The following RBMS3 variants were observed in gnomAD, a reference collection of about 807,000 sequenced individuals.
RBMS3 encodes the protein RNA binding motif single stranded interacting protein 3.
RBMS3 carries 27 observed loss-of-function variants against 66.8 expected under a neutral mutation model. The ratio of observed to expected loss-of-function variants is 0.40; its 90% CI spans 0.30 to 0.56. RBMS3 has a LOEUF of 0.56. Among genes scored for constraint, RBMS3 ranks in the 20% least tolerant of loss-of-function variants. The pLI, the probability that RBMS3 is intolerant of heterozygous loss-of-function variation, is 0.40. For synonymous variants in RBMS3, 188 were observed against 183.0 expected (o/e 1.03, Z -0.22); for missense variants, 513 against 549.5 (o/e 0.93, Z 0.66).
chr3:29,667,161 G>A (rs189280234), intron 4 of RBMS3, among the ~76,000 whole-genome samples: 1 of 152,264 alleles, frequency 6.6e-6, no homozygotes, highest in Admixed American at 6.5e-5. Context: ...GAAAATATTG[G>A]TGATAATTGG....
intron 6 of RBMS3, chr3:29,765,624 A>T (rs2149387017): frequency 6.6e-6 from 1 of 152,108 alleles, no homozygotes; most frequent in African/African-American, 2.4e-5. Context: ...CTTTAAGGTC[A>T]TGTAGATGAG....
intron 4 of RBMS3, among the ~76,000 whole-genome samples, chr3:29,722,209 AT>A (rs796728795): frequency 2.0e-5 from 3 of 151,958 alleles, no homozygotes; most frequent in Non-Finnish European, 4.4e-5. Context: ...TTTTCATGTT[AT>A]TTTTTTGTAA....
At chr3:29,618,004 AG>A (rs1362640654) in intron 4 of RBMS3, among the ~76,000 whole-genome samples, 2 of 152,166 alleles carry the variant, frequency 1.3e-5, no homozygotes, top group Non-Finnish European at 2.9e-5. Flanking sequence ...TAAAAGAAGT[AG>A]GGAGGCTACA....
Position 29,707,273 on chromosome 3 carries a change from G to A in RBMS3, c.400-32447G>A, listed in dbSNP as rs543567638. Among the ~76,000 whole-genome samples the A allele has an allele frequency of 8.5e-5, 13 of 152,230 alleles. No homozygotes were observed. The South Asian group carries it at 1.5e-3, about 17-fold the overall frequency. On this transcript the variant is annotated intron_variant, in intron 4 of 14. Transcript: ENST00000383767. ...TTTCTCTTTTACAGATGATTATTGC[G>A]AGAAGTGAATTAAGATGTTTGAAAT...
intron 6 of RBMS3, among the ~76,000 whole-genome samples, chr3:29,831,057 C>G (rs974878883): frequency 5.3e-5 from 8 of 152,090 alleles, no homozygotes; most frequent in African/African-American, 1.9e-4. Flanking sequence ...CTTCAGGGAT[C>G]TGAGAAATAA....
intron 6 of RBMS3, among the ~76,000 whole-genome samples, chr3:29,828,711 CAG>C (rs1186068609): frequency 6.6e-6 from 1 of 152,088 alleles, no homozygotes; most frequent in Non-Finnish European, 1.5e-5. Flanking sequence ...AGAAAGGTAA[CAG>C]ATGTTGGATT....
At chr3:29,953,920 C>T (rs1286900669) in intron 12 of RBMS3, among the ~76,000 whole-genome samples, 4 of 151,732 alleles carry the variant, frequency 2.6e-5, no homozygotes, top group African/African-American at 9.7e-5. Context: ...TTCATTTTTC[C>T]CTTCTTCCTA....
intron 5 of RBMS3, among the ~76,000 whole-genome samples, chr3:29,741,408 T>C (rs935982579): frequency 6.6e-6 from 1 of 152,180 alleles, no homozygotes; most frequent in Non-Finnish European, 1.5e-5. Context: ...CATTCTTATA[T>C]AGTGTGCAAC....
intron 4 of RBMS3, among the ~76,000 whole-genome samples, chr3:29,606,508 C>T (rs1255249257): frequency 1.3e-5 from 2 of 151,904 alleles, no homozygotes; most frequent in South Asian, 2.1e-4. Context: ...TTGCTCATGT[C>T]ATTAGAATCT....
chr3:29,481,130 C>T (rs1269689079), intron 2 of RBMS3, among the ~76,000 whole-genome samples: 1 of 152,160 alleles, frequency 6.6e-6, no homozygotes, highest in African/African-American at 2.4e-5. Context: ...GTGCCTCCCT[C>T]ATGGGTTTGT....
chr3:29,990,976 G>A lies in RBMS3; in HGVS notation c.1180-106G>A, dbSNP rs911036459. The A allele has an allele frequency of 1.2e-5, 12 of 1,015,352 alleles. No homozygotes were observed. The East Asian group carries it at 2.7e-4, about 23-fold the overall frequency. 62.9% of individuals were successfully genotyped at this position (1,015,352 alleles called of 1,614,324 possible). ...ACTTATTGTGACTTCATGTAGCTGA[G>A]GGTATCTCTACTTAAGCCAAATAGA... On this transcript the variant is annotated intron_variant, in intron 13 of 14. Coordinates refer to ENST00000383767, the MANE Select transcript of RBMS3 (RefSeq NM_001003793.3).
intron 3 of RBMS3, among the ~76,000 whole-genome samples, chr3:29,565,002 C>T (rs1035197852): frequency 6.6e-6 from 1 of 152,040 alleles, no homozygotes; most frequent in Non-Finnish European, 1.5e-5. Flanking sequence ...ATTTTTTCAT[C>T]CTTTCCTTTC....
intron 2 of RBMS3, among the ~76,000 whole-genome samples, chr3:29,479,195 T>G (rs1057280781): frequency 1.3e-5 from 2 of 151,974 alleles, no homozygotes; most frequent in African/African-American, 4.8e-5. Context: ...GAAAATAATA[T>G]CAACTAATTA....
chr3:29,353,941 A>G (rs954498620), intron 1 of RBMS3, among the ~76,000 whole-genome samples: 11 of 152,128 alleles, frequency 7.2e-5, no homozygotes, highest in African/African-American at 2.4e-4. Flanking sequence ...ACTCTACAGC[A>G]TTTGAAATCA....
At chr3:29,940,524 G>A (rs1464387460) in intron 11 of RBMS3, among the ~76,000 whole-genome samples, 1 of 151,766 alleles carries the variant, frequency 6.6e-6, no homozygotes, top group East Asian at 1.9e-4. Context: ...TTTTTAGAAG[G>A]GGGATCTTGA....
chr3:29,401,200 TAAAAAG>T (rs1014422962), intron 1 of RBMS3, among the ~76,000 whole-genome samples: 2 of 152,038 alleles, frequency 1.3e-5, no homozygotes, highest in African/African-American at 4.8e-5. Flanking sequence ...GCATACCTAT[TAAAAAG>T]AAAGAGTTTC....
chr3:29,706,605 T>C (rs1249222185), intron 4 of RBMS3, among the ~76,000 whole-genome samples: 6 of 152,136 alleles, frequency 3.9e-5, no homozygotes, highest in Non-Finnish European at 7.4e-5. Flanking sequence ...TACACCACTC[T>C]CTCACAAGAA....
At chr3:29,997,606 G>C (rs1368000562) in intron 14 of RBMS3, among the ~76,000 whole-genome samples, 2 of 151,206 alleles carry the variant, frequency 1.3e-5, no homozygotes, top group Admixed American at 6.6e-5. Flanking sequence ...AGGCAAGGCT[G>C]GTTCAATATA....
rs138546016 is a variant in RBMS3, at chr3:29,620,596, A to G, written c.399+33391A>G. 4.2e-3 allele frequency among the ~76,000 whole-genome samples: 640 copies of G among 152,178 alleles called. 9 individuals are homozygous for G. Among genetic ancestry groups the G allele is most frequent in the African/African-American group, 0.015 (616 of 41,550 alleles). ...TTAGAATAATATTTATATTATCTTT[A>G]TGTACTTGATTTTCATATTGGCATT... On this transcript the variant is annotated intron_variant, in intron 4 of 14. Coordinates refer to ENST00000383767, the MANE Select transcript of RBMS3 (RefSeq NM_001003793.3).
Sources: gnomAD v4.1 joint callset for allele counts (sites outside exome capture counted in the v4.1 genomes callset) on GRCh38, gnomAD v4.1.1 for gene constraint, MANE v1.5 for transcripts, NCBI Gene and HGNC (gene_info 2026-07-23, HGNC 2026-07-21) for gene names.